TTN: variants seen among roughly 807,000 people sequenced by gnomAD.
TTN encodes connectin.
A neutral mutation model predicts 3,223.0 loss-of-function variants in TTN; 1,525 were observed. The observed-to-expected ratio is 0.47, with a 90% CI of 0.45 to 0.49. The LOEUF (loss-of-function observed/expected upper bound fraction) is 0.49, where lower values mean the gene tolerates loss of function less well. Among genes scored for constraint, TTN ranks in the 20% least tolerant of loss-of-function variants. The pLI is 0.00. For missense variants in TTN, 40,786 were observed against 43,424.0 expected, an observed-to-expected ratio of 0.94 and a Z score of 5.40; for synonymous variants, 14,094 against 15,161.0, an observed-to-expected ratio of 0.93 and a Z score of 5.17.
At chr2:178,670,592 A>G (rs1013424933) in intron 156 of TTN, among the ~76,000 whole-genome samples, 1 of 151,992 alleles carries the variant, frequency 6.6e-6, no homozygotes, top group African/African-American at 2.4e-5. Context: ...CCTTCTCTTC[A>G]GTGATAACTT....
chr2:178,782,131 T>G, intron 20 of TTN, 81 bp downstream of exon 20: 1 of 1,513,446 alleles, frequency 6.6e-7, no homozygotes, highest in Non-Finnish European at 9.2e-7. Context: ...TCAGGGTCGG[T>G]GGGGTGAGTA....
In TTN at chr2:178,696,100, C is replaced by T. The variant is rs2073654787; in HGVS notation, c.30972G>A (p.Leu10324=). The T allele has an allele frequency of 1.3e-6, 2 of 1,551,238 alleles. No homozygotes were observed. The highest frequency in any genetic ancestry group is 3.9e-5 in the Admixed American group (2 of 50,966). The change falls in exon 114 of 363, where the codon CTG becomes CTA. Residue 10324 remains leucine, a synonymous_variant. Coordinates refer to ENST00000589042, the MANE Select transcript of TTN (RefSeq NM_001267550.2). ...IESFEEPYDE[L]EVEPYTEPFE... ...ATGGCTCTGTGTATGGTTCTACCTC[C>T]AGTTCGTCATAAGGTTCTTCGAAAG...
chr2:178,644,866 G>C, intron 217 of TTN: 1 of 388,954 alleles, frequency 2.6e-6, no homozygotes, highest in Non-Finnish European at 4.5e-6. Context: ...TTGGCAGGAG[G>C]AAGAAATTTT....
At chr2:178,725,279 A>G (rs2079138907) in intron 71 of TTN, 89 bp downstream of exon 71, 8 of 1,344,858 alleles carry the variant, frequency 5.9e-6, no homozygotes, top group Non-Finnish European at 7.8e-6. Context: ...ATAGTTCTAG[A>G]AGAAACTCAG....
In TTN at chr2:178,727,181, G is replaced by A. The variant is rs745322652; in HGVS notation, c.20184C>T (p.Asn6728=). The part of the protein sequence containing the change: ...FIDSVAVIQM[N]NLSTEDSGDF... ...CTCCACTGTCCTCAGTACTGAGATT[G>A]TTCATCTGTATGACGGCCACTGAGT... is the stretch of plus-strand genomic sequence containing the variant. The change falls in exon 69 of 363, where the codon AAC becomes AAT. Residue 6728 remains asparagine (N), a synonymous_variant. Transcript: ENST00000589042. 3.7e-6 allele frequency: 6 copies of A among 1,613,216 alleles called. No individual in the cohort carries two copies. The highest frequency in any genetic ancestry group is 5.1e-6 in the Non-Finnish European group (6 of 1,179,410).
At chr2:178,664,127 A>G (rs373276718) in intron 168 of TTN, 29 bp from the exon 169 acceptor site, 1 of 1,566,464 alleles carries the variant, frequency 6.4e-7, no homozygotes, top group South Asian at 1.2e-5. Flanking sequence ...TTTTACACTC[A>G]GAAAATACAG....
Position 178,664,475 on chromosome 2 carries a change from C to T in TTN, c.36265G>A (p.Val12089Ile), listed in dbSNP as rs1433667403. ...KKVHPPQRAE[V>I]VPVKVHEAPK... ...AAGAATGTACCTTTGACAGGTACAA[C>T]TTCAGCCCTTTGGGGAGGATGCACT... Residue 12089 changes from valine to isoleucine, a missense_variant, in exon 168 of 363, where the codon GTT (valine) becomes ATT (isoleucine). Val to Ile is a conservative substitution (Grantham distance 29). Coordinates refer to ENST00000589042, the MANE Select transcript of TTN (RefSeq NM_001267550.2). 1 of 1,612,148 alleles carries T rather than the reference C, an allele frequency of 6.2e-7. No individual in the cohort carries two copies. Among genetic ancestry groups the T allele is most frequent in the Admixed American group, 1.7e-5 (1 of 59,966 alleles).
At chr2:178,747,540 G>T in intron 47 of TTN, 2 of 1,613,284 alleles carry the variant, frequency 1.2e-6, no homozygotes, top group East Asian at 2.2e-5. Flanking sequence ...TCCTGTTTCT[G>T]GTTGTAGTAT....
intron 144 of TTN, 69 bp from the exon 145 acceptor site, chr2:178,678,277 A>G (rs2068549779): frequency 6.5e-7 from 1 of 1,538,312 alleles, no homozygotes; most frequent in Admixed American, 2.0e-5. Context: ...GATATGAAAA[A>G]GAATCACAAA....
At chr2:178,582,744 T>A in intron 313 of TTN, 152 bp from the exon 314 acceptor site, 2 of 928,956 alleles carry the variant, frequency 2.2e-6, no homozygotes, top group Non-Finnish European at 3.0e-6. Flanking sequence ...TCTTCACTTG[T>A]AAAATTAGGT....
chr2:178,613,993 CA>C lies in TTN; in HGVS notation c.49346-57del, dbSNP rs1347039471. 1.9e-6 allele frequency: 3 copies of C among 1,608,664 alleles called. No individual in the cohort carries two copies. The East Asian group carries it at 6.7e-5, about 36-fold the overall frequency. ...TATGTCCTGTATATAAATATGACACCAAAATGCAAGTTTGACATAAGCATCC... is the reference window on the plus strand; with the variant it reads ...TATGTCCTGTATATAAATATGACACCAAATGCAAGTTTGACATAAGCATCC... On this transcript the variant is annotated intron_variant, in intron 262 of 362. Transcript: ENST00000589042.
In TTN at chr2:178,576,133, A is replaced by T. The variant is rs1339276553; in HGVS notation, c.69999T>A (p.Val23333=). ...GVGEPAVIPD[V]EIVEREMAPD... is the part of the protein sequence containing the mutation. ...GAGCCATCTCCCGTTCTACGATTTC[A>T]ACATCTGGAATCACCGCTGGCTCCC... The change falls in exon 326 of 363, where the codon GTT becomes GTA. Residue 23333 remains valine, a synonymous_variant. Transcript: ENST00000589042. This position sits in a 1 kb window ranked among gnomAD's most constrained non-coding sequence, Gnocchi z 4.3. 6.2e-7 allele frequency: 1 copy of T among 1,613,434 alleles called. No homozygotes were observed. The highest frequency in any genetic ancestry group is 2.2e-5 in the East Asian group (1 of 44,784).
chr2:178,750,219 A>G lies in TTN; in HGVS notation c.11311+2905T>C, dbSNP rs757510216. The G allele has an allele frequency of 2.5e-6, 4 of 1,613,212 alleles. No homozygotes were observed. Among genetic ancestry groups the G allele is most frequent in the African/African-American group, 2.7e-5 (2 of 74,962 alleles). On this transcript the variant is annotated intron_variant, in intron 47 of 362. Transcript: ENST00000589042. The stretch of plus-strand genomic sequence containing the variant: ...GCGCCTTTTGCTTGGTCAAACACCA[A>G]TGCTAACTCTTCTTCCTCATCCAAG...
At position 178,531,148 on chromosome 2, in the gene TTN, G is replaced by C. The variant is rs538363206; in HGVS notation, c.105467C>G (p.Pro35156Arg). Residue 35156 changes from proline to arginine, a missense_variant, in exon 358 of 363, where the codon CCG becomes CGG. Physicochemically the swap from Pro to Arg is moderately radical, Grantham distance 103. Coordinates refer to ENST00000589042, the MANE Select transcript of TTN (RefSeq NM_001267550.2). Reference sequence around the variant, plus strand: ...ACGCAGCCAGGTCACAGTTGGTACCGGCTCACCATCGGTGTCACAAGAAAA... The same window carrying C: ...ACGCAGCCAGGTCACAGTTGGTACCCGCTCACCATCGGTGTCACAAGAAAA... The part of the protein sequence containing the change: ...ARFSCDTDGE[P>R]VPTVTWLRKG... 4.3e-6 allele frequency: 7 copies of C among 1,613,934 alleles called. No homozygotes were observed. In the East Asian group the frequency reaches 1.1e-4, roughly 26 times the overall value.
chr2:178,746,803 T>G, intron 47 of TTN: 1 of 1,613,332 alleles, frequency 6.2e-7, no homozygotes, highest in Non-Finnish European at 8.5e-7. Flanking sequence ...TGAAGCCTAG[T>G]GTTGTGTTTT....
At chr2:178,681,779 A>T in intron 135 of TTN, 41 bp from the exon 136 acceptor site, 2 of 1,469,618 alleles carry the variant, frequency 1.4e-6, no homozygotes, top group Non-Finnish European at 1.9e-6. Flanking sequence ...TAGACTTAGA[A>T]TATAAGTTTA....
rs778432606 is a variant in TTN, at chr2:178,580,237, A to G, written c.67058-8T>C. On this transcript the variant is annotated splice_polypyrimidine_tract_variant and splice_region_variant and intron_variant, in intron 317 of 362. Coordinates refer to ENST00000589042, the MANE Select transcript of TTN (RefSeq NM_001267550.2). ...CAGGTGGCCCAGGAGTATCTGGATA[A>G]ATAGTAGGTAAATAAGAAATGAATG... 1 of 1,610,084 alleles carries G rather than the reference A, an allele frequency of 6.2e-7. No individual in the cohort carries two copies. The highest frequency in any genetic ancestry group is 8.5e-7 in the Non-Finnish European group (1 of 1,178,846).
Position 178,558,499 on chromosome 2 carries a change from T to C in TTN, c.86960A>G (p.Lys28987Arg), listed in dbSNP as rs1186947794. The part of the protein sequence containing the change: ...YVVEALEKGQ[K>R]NWVKCAVAKS... ...TGCCACTGCACATTTAACCCAGTTT[T>C]TCTGTCCTTTTTCTAGTGCTTCAAC... The change falls in exon 327 of 363, where the codon AAA (lysine) becomes AGA (arginine). Residue 28987 changes from lysine (K) to arginine (R), a missense_variant. Transcript: ENST00000589042. The C allele has an allele frequency of 2.5e-6, 4 of 1,613,692 alleles. No homozygotes were observed. Among genetic ancestry groups the C allele is most frequent in the South Asian group, 1.1e-5 (1 of 91,090 alleles).
In TTN at chr2:178,609,912, G is replaced by A. The variant is rs773302755; in HGVS notation, c.51511C>T (p.Pro17171Ser). The A allele has an allele frequency of 5.0e-6, 8 of 1,612,902 alleles. No homozygotes were observed. The Admixed American group carries it at 5.0e-5, about 10-fold the overall frequency. ...AEAMTITWKP[P>S]LYDGGSKIMG... ...ATCTTGCTCCCTCCATCATACAAAGGTGGCTTCCATGTAATAGTCATTGCC... is the reference window on the plus strand; with the variant it reads ...ATCTTGCTCCCTCCATCATACAAAGATGGCTTCCATGTAATAGTCATTGCC... The change falls in exon 272 of 363, where the codon CCT becomes TCT. Residue 17171 changes from proline to serine, a missense_variant. By Grantham distance (74) the Pro-to-Ser change is moderately conservative (BLOSUM62 -1). Coordinates refer to ENST00000589042, the MANE Select transcript of TTN (RefSeq NM_001267550.2).
Sources: gnomAD v4.1 joint callset for allele counts (sites outside exome capture counted in the v4.1 genomes callset) on GRCh38, gnomAD v4.1.1 for gene constraint, Gnocchi (gnomAD v3.1) non-coding constraint, MANE v1.5 for transcripts, NCBI Gene and HGNC (gene_info 2026-07-23, HGNC 2026-07-21) for gene names.